The following MRPS27 variants were observed in gnomAD, a reference collection of about 807,000 sequenced individuals.
MRPS27 encodes the protein small ribosomal subunit protein mS27.
A neutral mutation model predicts 48.9 loss-of-function variants in MRPS27; 43 were observed. That is an observed-to-expected ratio of 0.88 (90% CI 0.69 to 1.13). The LOEUF (loss-of-function observed/expected upper bound fraction) is 1.13. Ranked by LOEUF, MRPS27 falls within the 50% of genes most tolerant of loss-of-function variation. The probability of loss-of-function intolerance (pLI) is 0.00; values close to 1 mark genes in which losing one functional copy is unlikely to be tolerated. For synonymous variants in MRPS27, 188 were observed against 171.9 expected, an observed-to-expected ratio of 1.09 and a Z score of -0.73; for missense variants, 467 against 476.3, an observed-to-expected ratio of 0.98 and a Z score of 0.18.
chr5:72,259,882 G>T (rs1267230220), intron 4 of MRPS27, among the ~76,000 whole-genome samples: 1 of 151,946 alleles, frequency 6.6e-6, no homozygotes, highest in Admixed American at 6.6e-5. Context: ...AAATTTTTAC[G>T]AATATGACAG....
In MRPS27 at chr5:72,288,207, A is replaced by C. The variant is rs1749724107; in HGVS notation, c.281+7324T>G. ...GAGTCTGAAGCAGTGGAGGGCAAGA[A>C]TTCTTTTTTTTTTTTTTTGAGATGG... On this transcript the variant is annotated intron_variant, in intron 4 of 10. Transcript: ENST00000261413. 2.0e-5 allele frequency among the ~76,000 whole-genome samples: 3 copies of C among 149,894 alleles called. No homozygotes were observed. In the East Asian group the frequency reaches 5.9e-4, roughly 30 times the overall value.
chr5:72,242,374 T>C (rs1376125281), intron 4 of MRPS27, among the ~76,000 whole-genome samples: 1 of 144,408 alleles, frequency 6.9e-6, no homozygotes, highest in Non-Finnish European at 1.5e-5. Flanking sequence ...AAGTCTTGGA[T>C]ATCACAGAGA....
chr5:72,254,092 G>T (rs1373750577), intron 4 of MRPS27, among the ~76,000 whole-genome samples: 1 of 152,160 alleles, frequency 6.6e-6, no homozygotes, highest in Non-Finnish European at 1.5e-5. Context: ...TTTTTCCTGA[G>T]ATTGAAACTC....
At chr5:72,249,369 G>C (rs1281676588) in intron 4 of MRPS27, among the ~76,000 whole-genome samples, 3 of 152,162 alleles carry the variant, frequency 2.0e-5, no homozygotes, top group Non-Finnish European at 4.4e-5. Flanking sequence ...CTTCAATAAG[G>C]TTAGATTGGG....
chr5:72,278,465 T>A (rs987049144), intron 4 of MRPS27, among the ~76,000 whole-genome samples: 5 of 149,932 alleles, frequency 3.3e-5, no homozygotes, highest in East Asian at 2.0e-4. Flanking sequence ...AAAAAAAAAA[T>A]TTAAAGTCTG....
chr5:72,254,851 G>A (rs1471121365), intron 4 of MRPS27, among the ~76,000 whole-genome samples: 1 of 151,756 alleles, frequency 6.6e-6, no homozygotes, highest in Non-Finnish European at 1.5e-5. Context: ...TTCAAGAATC[G>A]GTTCTGTTGT....
At chr5:72,308,341 C>T (rs1173543186) in intron 2 of MRPS27, among the ~76,000 whole-genome samples, 1 of 152,242 alleles carries the variant, frequency 6.6e-6, no homozygotes, top group Admixed American at 6.5e-5. Context: ...CACACCCACA[C>T]GCCGCAGTGT....
chr5:72,242,883 A>G (rs1189931143), intron 4 of MRPS27, among the ~76,000 whole-genome samples: 1 of 152,232 alleles, frequency 6.6e-6, no homozygotes, highest in Non-Finnish European at 1.5e-5. Context: ...GGGCAGGCCC[A>G]ATGCACAGAT....
At chr5:72,232,963 A>T (rs192709970) in intron 6 of MRPS27, among the ~76,000 whole-genome samples, 1 of 152,264 alleles carries the variant, frequency 6.6e-6, no homozygotes. Flanking sequence ...TCTACCAGCT[A>T]GAACAGCTAA....
intron 6 of MRPS27, 69 bp downstream of exon 6, chr5:72,234,050 C>A (rs1043176495): frequency 3.1e-5 from 42 of 1,363,584 alleles, no homozygotes; most frequent in Non-Finnish European, 3.9e-5. Context: ...GGGGAAGTTC[C>A]TACATTTGTA....
chr5:72,267,822 T>A (rs755514404), intron 4 of MRPS27, among the ~76,000 whole-genome samples: 4 of 151,766 alleles, frequency 2.6e-5, no homozygotes, highest in Non-Finnish European at 5.9e-5. Context: ...TAATAAGATA[T>A]AGAGGTCATT....
chr5:72,299,002 G>A (rs1750059510), intron 2 of MRPS27, among the ~76,000 whole-genome samples: 1 of 152,002 alleles, frequency 6.6e-6, no homozygotes, highest in Admixed American at 6.5e-5. Flanking sequence ...ATTATCCTAA[G>A]TAAATTAACG....
intron 4 of MRPS27, among the ~76,000 whole-genome samples, chr5:72,291,041 T>A (rs185486896): frequency 6.6e-6 from 1 of 152,170 alleles, no homozygotes; most frequent in Non-Finnish European, 1.5e-5. Context: ...ACAGGTAGCA[T>A]CTCAGGGCCT....
chr5:72,300,834 C>A (rs1750107968), intron 2 of MRPS27, among the ~76,000 whole-genome samples: 1 of 152,126 alleles, frequency 6.6e-6, no homozygotes, highest in Non-Finnish European at 1.5e-5. Flanking sequence ...GATAAATCAG[C>A]CAATCAGGAT....
chr5:72,270,389 C>A (rs1741632812), intron 4 of MRPS27, among the ~76,000 whole-genome samples: 1 of 151,628 alleles, frequency 6.6e-6, no homozygotes, highest in African/African-American at 2.4e-5. Flanking sequence ...CATGGAAGTA[C>A]AAATGACTCT....
intron 4 of MRPS27, among the ~76,000 whole-genome samples, chr5:72,248,669 T>TAAAAAA (rs36063387): frequency 5.7e-5 from 4 of 70,286 alleles, no homozygotes; most frequent in African/African-American, 1.3e-4. Context: ...CATTTTCATT[T>TAAAAAA]AAAAAAAAAA....
At chr5:72,254,565 T>C (rs1032026340) in intron 4 of MRPS27, among the ~76,000 whole-genome samples, 10 of 152,196 alleles carry the variant, frequency 6.6e-5, no homozygotes, top group African/African-American at 1.4e-4. Context: ...GGGAAAGTCA[T>C]AGCCTAGAAA....
chr5:72,257,267 G>A (rs1267945157), intron 4 of MRPS27, among the ~76,000 whole-genome samples: 3 of 152,150 alleles, frequency 2.0e-5, no homozygotes, highest in African/African-American at 4.8e-5. Context: ...AAATGAGGGG[G>A]TTAAATGAGA....
intron 4 of MRPS27, among the ~76,000 whole-genome samples, chr5:72,249,401 C>T (rs1580069657): frequency 6.6e-6 from 1 of 152,312 alleles, no homozygotes; most frequent in South Asian, 2.1e-4. Flanking sequence ...CAAGTATTTT[C>T]AGCCCCGCGT....
Sources: allele counts gnomAD v4.1 joint callset (sites outside exome capture counted in the v4.1 genomes callset), GRCh38; gene constraint gnomAD v4.1.1; transcripts MANE v1.5; gene names NCBI Gene and HGNC (gene_info 2026-07-23, HGNC 2026-07-21).